The following FRMD4A variants were observed in gnomAD, a reference collection of about 807,000 sequenced individuals.
The protein encoded by FRMD4A is FERM domain-containing protein 4A.
FRMD4A carries 29 observed loss-of-function variants against 129.1 expected under a neutral mutation model. The ratio of observed to expected loss-of-function variants is 0.22; its 90% CI spans 0.17 to 0.31. The LOEUF (loss-of-function observed/expected upper bound fraction) is 0.31, where lower values mean the gene tolerates loss of function less well. Among genes scored for constraint, FRMD4A ranks in the 10% least tolerant of loss-of-function variants. FRMD4A has a pLI of 1.00. For synonymous variants in FRMD4A, 634 were observed against 571.6 expected, an observed-to-expected ratio of 1.11 and a Z score of -1.56; for missense variants, 1,272 against 1,375.8, an observed-to-expected ratio of 0.92 and a Z score of 1.19.
intron 2 of FRMD4A, among the ~76,000 whole-genome samples, chr10:13,886,121 T>A (rs559110497): frequency 1.7e-4 from 26 of 152,330 alleles, no homozygotes; most frequent in Admixed American, 1.2e-3. Context: ...GGCGAGAGCG[T>A]AATGGTACAT....
intron 2 of FRMD4A, among the ~76,000 whole-genome samples, chr10:14,213,299 T>A (rs1261785075): frequency 6.6e-6 from 1 of 152,154 alleles, no homozygotes; most frequent in Non-Finnish European, 1.5e-5. Context: ...AGAACCTTCA[T>A]GGTTGAAATG....
At chr10:14,272,647 G>C (rs1470416337) in intron 2 of FRMD4A, among the ~76,000 whole-genome samples, 1 of 152,164 alleles carries the variant, frequency 6.6e-6, no homozygotes, top group Non-Finnish European at 1.5e-5. Flanking sequence ...TCTGCAGGCT[G>C]TACAGGAAGC....
At chr10:13,820,312 G>C (rs1353819733) in intron 3 of FRMD4A, among the ~76,000 whole-genome samples, 1 of 152,062 alleles carries the variant, frequency 6.6e-6, no homozygotes, top group Non-Finnish European at 1.5e-5. Flanking sequence ...AGCACTGGTT[G>C]GTTGTGACAT....
intron 6 of FRMD4A, among the ~76,000 whole-genome samples, chr10:13,763,102 C>A (rs973896492): frequency 6.6e-6 from 1 of 152,134 alleles, no homozygotes; most frequent in Non-Finnish European, 1.5e-5. Flanking sequence ...TAAACACTCC[C>A]AACATCGTTT....
chr10:13,731,910 C>T lies in FRMD4A; in HGVS notation c.759+5934G>A, dbSNP rs140686433. 1.2e-4 allele frequency among the ~76,000 whole-genome samples: 19 copies of T among 152,182 alleles called. No homozygotes were observed. The East Asian group carries it at 2.7e-3, about 22-fold the overall frequency. On this transcript the variant is annotated intron_variant, in intron 12 of 24. Coordinates refer to ENST00000357447, the MANE Select transcript of FRMD4A (RefSeq NM_018027.5). ...CAACGTCTCTGAACTCTTCTGAACA[C>T]GCACAAAAGCCAAAATCCAGTCTGC...
At chr10:13,992,414 C>T (rs920149903) in intron 2 of FRMD4A, among the ~76,000 whole-genome samples, 4 of 152,236 alleles carry the variant, frequency 2.6e-5, no homozygotes, top group East Asian at 1.9e-4. Context: ...GCTCACTGAC[C>T]CCAGCAAACT....
chr10:14,159,192 C>T (rs1840754922), intron 2 of FRMD4A, among the ~76,000 whole-genome samples: 1 of 152,146 alleles, frequency 6.6e-6, no homozygotes, highest in Admixed American at 6.5e-5. Context: ...ACTACTTGGG[C>T]ATATAGCCAT....
chr10:13,940,301 G>T (rs2095281355), intron 2 of FRMD4A, among the ~76,000 whole-genome samples: 1 of 152,058 alleles, frequency 6.6e-6, no homozygotes, highest in African/African-American at 2.4e-5. Flanking sequence ...AAGGCCTGTG[G>T]TCAAATCCAG....
chr10:13,923,289 C>A (rs139971191), intron 2 of FRMD4A, among the ~76,000 whole-genome samples: 1 of 152,174 alleles, frequency 6.6e-6, no homozygotes, highest in Non-Finnish European at 1.5e-5. Flanking sequence ...AAATAAACAG[C>A]TTTCTTCTTC....
intron 2 of FRMD4A, among the ~76,000 whole-genome samples, chr10:14,089,567 G>C (rs1301182883): frequency 7.1e-6 from 1 of 140,402 alleles, no homozygotes; most frequent in African/African-American, 2.7e-5. Flanking sequence ...TAGGGGCTTG[G>C]CCCTGAAACA....
rs746575585 is a variant in FRMD4A, at chr10:13,656,898, C to T, written c.2691G>A (p.Thr897=). The change falls in exon 22 of 25, where the codon ACG becomes ACA. Residue 897 remains threonine (T), a synonymous_variant. Transcript: ENST00000357447. ...GGDEGDTGRL[T]PSRSQILRTP... The stretch of plus-strand genomic sequence containing the variant: ...TCCGCAGGATCTGCGATCGCGACGG[C>T]GTCAGGCGGCCCGTGTCGCCCTCGT... 1.6e-5 allele frequency: 23 copies of T among 1,483,536 alleles called. No individual in the cohort carries two copies. In the South Asian group the frequency reaches 2.3e-4, roughly 15 times the overall value. The allele number at this position is 1,483,536 out of a possible 1,614,324, so 91.9% of individuals were successfully genotyped here.
intron 2 of FRMD4A, among the ~76,000 whole-genome samples, chr10:14,091,674 C>G (rs1242756295): frequency 3.9e-5 from 6 of 152,192 alleles, no homozygotes; most frequent in Non-Finnish European, 8.8e-5. Context: ...ACCTCATGAT[C>G]CGCCCACCTT....
chr10:13,950,593 C>T (rs79536962), intron 2 of FRMD4A, among the ~76,000 whole-genome samples: 10,901 of 152,178 alleles, frequency 0.072, 551 homozygotes, highest in Admixed American at 0.11. Flanking sequence ...TTAAGATTTC[C>T]TGGAGGAATC....
intron 2 of FRMD4A, among the ~76,000 whole-genome samples, chr10:14,041,464 G>A (rs189526413): frequency 1.9e-3 from 282 of 152,230 alleles, no homozygotes; most frequent in African/African-American, 6.2e-3. Context: ...CCACCAAAAG[G>A]GAAACATACT....
At chr10:14,245,373 C>A (rs1844196415) in intron 2 of FRMD4A, among the ~76,000 whole-genome samples, 1 of 152,134 alleles carries the variant, frequency 6.6e-6, no homozygotes, top group South Asian at 2.1e-4. Context: ...CAAGGGATTG[C>A]TTTGTGAAGG....
rs542003177 is a variant in FRMD4A at position 13,821,994 on chromosome 10, A to G, written c.112-11086T>C. ...CGAAGATCCGAAGCAGGAAGGAAAG[A>G]AACAAAGTACATCAAGGAAAGGGGT... On this transcript the variant is annotated intron_variant, in intron 3 of 24. Coordinates refer to ENST00000357447, the MANE Select transcript of FRMD4A (RefSeq NM_018027.5). This position sits in a 1 kb window ranked among gnomAD's most constrained non-coding sequence, Gnocchi z 4.3. Among the ~76,000 whole-genome samples, 58 of 152,328 alleles carry G rather than the reference A, an allele frequency of 3.8e-4. No individual in the cohort carries two copies. In the South Asian group the frequency reaches 7.3e-3, roughly 19 times the overall value.
chr10:13,905,027 T>C (rs2131206437), intron 2 of FRMD4A, among the ~76,000 whole-genome samples: 1 of 142,036 alleles, frequency 7.0e-6, no homozygotes, highest in African/African-American at 2.6e-5. Context: ...AAAACAGCAT[T>C]TGACCAGTGT....
At chr10:13,738,903 G>A (rs571144897) in intron 11 of FRMD4A, among the ~76,000 whole-genome samples, 24 of 152,300 alleles carry the variant, frequency 1.6e-4, no homozygotes, top group African/African-American at 5.8e-4. Flanking sequence ...TTACAGTCAT[G>A]AGCCACTGCG....
chr10:13,938,676 C>G (rs140564809), intron 2 of FRMD4A, among the ~76,000 whole-genome samples: 37 of 152,334 alleles, frequency 2.4e-4, no homozygotes, highest in Non-Finnish European at 4.4e-4. Flanking sequence ...TAACAGTGAT[C>G]CTCCACTAGG....
Sources: gnomAD v4.1 joint callset for allele counts (sites outside exome capture counted in the v4.1 genomes callset) on GRCh38, gnomAD v4.1.1 for gene constraint, Gnocchi (gnomAD v3.1) non-coding constraint, MANE v1.5 for transcripts, NCBI Gene and HGNC (gene_info 2026-07-23, HGNC 2026-07-21) for gene names.